The following HERC6 variants were observed in gnomAD, a reference collection of about 807,000 sequenced individuals.
The protein encoded by HERC6 is HECT and RLD domain containing E3 ubiquitin protein ligase family member 6.
In HERC6, 101 loss-of-function variants were observed where a neutral mutation model predicts 114.5. The ratio of observed to expected loss-of-function variants is 0.88; its 90% CI spans 0.75 to 1.04. HERC6 has a LOEUF of 1.04. HERC6 is among the 50% of genes least tolerant of loss of function. The probability of loss-of-function intolerance (pLI) is 0.00; values close to 1 mark genes in which losing one functional copy is unlikely to be tolerated. For synonymous variants in HERC6, 408 were observed against 436.2 expected (o/e 0.94, Z 0.81); for missense variants, 1,133 against 1,230.9 (o/e 0.92, Z 1.19).
rs1481270403 is a variant in HERC6, at chr4:88,428,882, CCT to C, written c.2106+135_2106+136del. The C allele has an allele frequency of 7.4e-6, 5 of 671,810 alleles. No individual in the cohort carries two copies. The South Asian group carries it at 1.3e-4, about 18-fold the overall frequency. 41.6% of individuals were successfully genotyped at this position (671,810 alleles called of 1,614,324 possible). On this transcript the variant is annotated intron_variant, in intron 16 of 22. Coordinates refer to ENST00000264346, the MANE Select transcript of HERC6 (RefSeq NM_017912.4). ...TCAATCTTTTGGTTTCCAGAATTCC[CCT>C]CTTACCCTTCAGAGAATAGCAATAG...
At position 88,442,497 on chromosome 4, in the gene HERC6, T is replaced by C; in HGVS notation, c.*37T>C. The C allele has an allele frequency of 6.9e-7, 1 of 1,455,436 alleles. No homozygotes were observed. Among genetic ancestry groups the C allele is most frequent in the Non-Finnish European group, 9.6e-7 (1 of 1,041,284 alleles). 90.2% of individuals were successfully genotyped at this position (1,455,436 alleles called of 1,614,324 possible). On this transcript the variant is annotated 3_prime_UTR_variant, in exon 23 of 23. Coordinates refer to ENST00000264346, the MANE Select transcript of HERC6 (RefSeq NM_017912.4). ...AGACTCAGGGTGGGCTTTCTCACAC[T>C]TGGATCCTTCTGTTCTTCCTTACAC...
intron 14 of HERC6, among the ~76,000 whole-genome samples, 181 bp downstream of exon 14, chr4:88,424,154 C>A (rs894298903): frequency 1.3e-5 from 2 of 152,008 alleles, no homozygotes; most frequent in Non-Finnish European, 2.9e-5. Flanking sequence ...AAAACAAATG[C>A]AGTTTTTGAA....
chr4:88,405,898 G>T (rs925729363), intron 10 of HERC6, among the ~76,000 whole-genome samples: 1 of 152,128 alleles, frequency 6.6e-6, no homozygotes, highest in Admixed American at 6.5e-5. Flanking sequence ...TATATACAAA[G>T]GATCGGCTAA....
chr4:88,439,844 T>C, intron 20 of HERC6, 30 bp from the exon 21 acceptor site: 2 of 270,458 alleles, frequency 7.4e-6, no homozygotes, highest in Non-Finnish European at 1.2e-5. Flanking sequence ...CTTCCTTTCT[T>C]TTTTTTTTTT....
Position 88,431,330 on chromosome 4 carries a change from C to T in HERC6, c.2250+25C>T, listed in dbSNP as rs550583790. ...GGTAAGTCTTTTCTTTTTTTTTTTTCCCCCAGAACAGAAAAGGCACCCCAT... is the reference window on the plus strand; with the variant it reads ...GGTAAGTCTTTTCTTTTTTTTTTTTTCCCCAGAACAGAAAAGGCACCCCAT... On this transcript the variant is annotated intron_variant, in intron 17 of 22. Transcript: ENST00000264346. 3.4e-4 allele frequency: 514 copies of T among 1,502,096 alleles called. 2 individuals carry two copies. The South Asian group carries it at 4.7e-3, about 14-fold the overall frequency. 93.0% of individuals were successfully genotyped at this position (1,502,096 alleles called of 1,614,324 possible).
At chr4:88,396,697 T>C (rs1206674459) in intron 6 of HERC6, among the ~76,000 whole-genome samples, 154 bp from the exon 7 acceptor site, 1 of 152,248 alleles carries the variant, frequency 6.6e-6, no homozygotes, top group African/African-American at 2.4e-5. Context: ...CATCCTTTGA[T>C]GCCCTCTAAC....
chr4:88,442,846 G>T lies in HERC6; in HGVS notation c.*386G>T, dbSNP rs1170794152. Reference sequence around the variant, plus strand: ...ATTCCAGGACATTCATTTGCATAAGGAGTCAAACCACACCAGTCTTGGATT... The same window carrying T: ...ATTCCAGGACATTCATTTGCATAAGTAGTCAAACCACACCAGTCTTGGATT... On this transcript the variant is annotated 3_prime_UTR_variant, in exon 23 of 23. Transcript: ENST00000264346. 1 of 224,062 alleles carries T rather than the reference G, an allele frequency of 4.5e-6. No homozygotes were observed. Among genetic ancestry groups the T allele is most frequent in the South Asian group, 8.6e-5 (1 of 11,622 alleles). 13.9% of individuals were successfully genotyped at this position (224,062 alleles called of 1,614,324 possible).
At chr4:88,396,788 A>G (rs1309175391) in intron 6 of HERC6, 63 bp from the exon 7 acceptor site, 6 of 1,399,656 alleles carry the variant, frequency 4.3e-6, no homozygotes, top group African/African-American at 1.5e-5. Context: ...CTTAAGGGAC[A>G]TCATCTTTCT....
chr4:88,380,777 G>A (rs1230988407), intron 1 of HERC6, among the ~76,000 whole-genome samples: 1 of 151,298 alleles, frequency 6.6e-6, no homozygotes, highest in African/African-American at 2.4e-5. Flanking sequence ...TAATCGTTAT[G>A]GATTATTGTA....
chr4:88,420,541 G>C (rs56976289), intron 13 of HERC6, among the ~76,000 whole-genome samples: 91 of 152,232 alleles, frequency 6.0e-4, no homozygotes, highest in African/African-American at 1.8e-3. Context: ...ATGTTATAGT[G>C]TTCTATGTAG....
chr4:88,417,035 T>C (rs1736547241), intron 12 of HERC6, among the ~76,000 whole-genome samples: 1 of 152,210 alleles, frequency 6.6e-6, no homozygotes, highest in Non-Finnish European at 1.5e-5. Flanking sequence ...ATTTTTTCAT[T>C]TTTTACAGAT....
chr4:88,442,170 C>G, intron 22 of HERC6, 64 bp from the exon 23 acceptor site: 1 of 1,173,408 alleles, frequency 8.5e-7, no homozygotes, highest in Non-Finnish European at 1.2e-6. Flanking sequence ...TGATTAATTT[C>G]TTCCTTTTCA....
intron 2 of HERC6, 146 bp downstream of exon 2, chr4:88,383,526 A>G (rs28628006): frequency 0.16 from 87,796 of 552,144 alleles, 8,102 homozygotes; most frequent in Non-Finnish European, 0.18. Flanking sequence ...TGGAAGGCTA[A>G]GGTGGGCAGA....
chr4:88,404,910 T>C lies in HERC6; in HGVS notation c.1127T>C (p.Leu376Pro), dbSNP rs1428022697. 11 of 1,613,708 alleles carry C rather than the reference T, an allele frequency of 6.8e-6. No homozygotes were observed. The highest frequency in any genetic ancestry group is 8.5e-6 in the Non-Finnish European group (10 of 1,179,772). ...TCCACACGTGCTCCCGGGAAAACCC[T>C]GCCAGAAATAAGCCGAATTAGCCAG... ...TSSTRAPGKT[L>P]PEISRISQSM... Residue 376 changes from leucine (L) to proline (P), a missense_variant, in exon 9 of 23, where the codon CTG becomes CCG. This residue lies in a region of HERC6 where 735 missense variants were observed against 754.0 expected (regional missense o/e 0.97). Coordinates refer to ENST00000264346, the MANE Select transcript of HERC6 (RefSeq NM_017912.4).
Position 88,440,190 on chromosome 4 carries a change from A to G in HERC6, c.2782A>G (p.Ile928Val). 1 of 1,609,042 alleles carries G rather than the reference A, an allele frequency of 6.2e-7. No individual in the cohort carries two copies. The highest frequency in any genetic ancestry group is 2.2e-5 in the East Asian group (1 of 44,798). The change falls in exon 22 of 23, where the codon ATA becomes GTA. Residue 928 changes from isoleucine (I) to valine (V), a missense_variant. By Grantham distance (29) the Ile-to-Val change is conservative. This residue lies in a region of HERC6 where 388 missense variants were observed against 445.9 expected (regional missense o/e 0.87). Coordinates refer to ENST00000264346, the MANE Select transcript of HERC6 (RefSeq NM_017912.4). ...AGGATACCAAAAATCACATCCTACTATACAGTTGTTTTGGAAGGCTTTCCA... is the reference window on the plus strand; with the variant it reads ...AGGATACCAAAAATCACATCCTACTGTACAGTTGTTTTGGAAGGCTTTCCA... ...EQGYQKSHPT[I>V]QLFWKAFHKL...
intron 13 of HERC6, 23 bp downstream of exon 13, chr4:88,417,602 G>A: frequency 6.3e-7 from 1 of 1,592,710 alleles, no homozygotes; most frequent in Non-Finnish European, 8.6e-7. Flanking sequence ...CTAAAGGAAT[G>A]CATGTACTAT....
chr4:88,415,799 G>A (rs920939390), intron 12 of HERC6, among the ~76,000 whole-genome samples: 1 of 152,200 alleles, frequency 6.6e-6, no homozygotes, highest in African/African-American at 2.4e-5. Flanking sequence ...CACTGAAAAA[G>A]TAGGAGTTGC....
chr4:88,424,828 T>C, intron 15 of HERC6, 126 bp downstream of exon 15: 2 of 623,994 alleles, frequency 3.2e-6, no homozygotes, highest in Non-Finnish European at 5.4e-6. Context: ...TATCTATCAC[T>C]TTTTTTCTTT....
rs369474388 is a variant in HERC6 at position 88,417,493 on chromosome 4, A to G, written c.1627A>G (p.Ile543Val). The G allele has an allele frequency of 1.7e-5, 27 of 1,612,186 alleles. No individual in the cohort carries two copies. The highest frequency in any genetic ancestry group is 2.7e-5 in the African/African-American group (2 of 75,042). Residue 543 changes from isoleucine (I) to valine (V), a missense_variant, in exon 13 of 23, where the codon ATC becomes GTC. Ile to Val is a conservative substitution (Grantham distance 29). Around this residue, in one of 3 missense-constraint regions of HERC6, gnomAD observed 735 missense variants for 754.0 expected, o/e 0.97. Coordinates refer to ENST00000264346, the MANE Select transcript of HERC6 (RefSeq NM_017912.4). Reference protein sequence around the residue: ...PLIQMLKAAIISQLLHQTKTE... With the variant: ...PLIQMLKAAIVSQLLHQTKTE... ...GATCCAGATGCTTAAAGCAGCCATCATCTCTCAGCTGCTTCATCAGACTAA... is the reference window on the plus strand; with the variant it reads ...GATCCAGATGCTTAAAGCAGCCATCGTCTCTCAGCTGCTTCATCAGACTAA...
Sources: allele counts gnomAD v4.1 joint callset (sites outside exome capture counted in the v4.1 genomes callset), GRCh38; gene constraint gnomAD v4.1.1; regional missense constraint gnomAD v4.1.1; transcripts MANE v1.5; gene names NCBI Gene and HGNC (gene_info 2026-07-23, HGNC 2026-07-21).